The following ARHGAP10 variants were observed in gnomAD, a reference collection of about 807,000 sequenced individuals.
ARHGAP10 encodes rho GTPase-activating protein 10.
Under a neutral mutation model 108.6 loss-of-function variants are expected in ARHGAP10, and 87 were observed. The observed-to-expected ratio is 0.80, with a 90% CI of 0.67 to 0.96. The LOEUF (loss-of-function observed/expected upper bound fraction) is 0.96, where lower values mean the gene tolerates loss of function less well. Among genes scored for constraint, ARHGAP10 ranks in the 40% least tolerant of loss-of-function variants. ARHGAP10 has a pLI of 0.00. For synonymous variants in ARHGAP10, 347 were observed against 341.1 expected (o/e 1.02, Z -0.19); for missense variants, 939 against 954.5 (o/e 0.98, Z 0.21).
chr4:147,776,238 A>C (rs1335792514), intron 1 of ARHGAP10, among the ~76,000 whole-genome samples: 1 of 152,160 alleles, frequency 6.6e-6, no homozygotes, highest in East Asian at 1.9e-4. Flanking sequence ...AAAAAATTCT[A>C]AGACGGAGTC....
In ARHGAP10 at chr4:147,924,906, G is replaced by A. The variant is rs1296482675; in HGVS notation, c.1228+11767G>A. Among the ~76,000 whole-genome samples the A allele has an allele frequency of 2.0e-5, 3 of 152,214 alleles. No individual in the cohort carries two copies. In the East Asian group the frequency reaches 5.8e-4, roughly 29 times the overall value. ...TTATTTAGAGATAAATCCAGTCATT[G>A]AGGCCAATTATAATTAAGTAGTCTC... On this transcript the variant is annotated intron_variant, in intron 13 of 22. Transcript: ENST00000336498.
At chr4:147,842,744 C>A (rs943789728) in intron 3 of ARHGAP10, among the ~76,000 whole-genome samples, 2 of 152,182 alleles carry the variant, frequency 1.3e-5, no homozygotes, top group Non-Finnish European at 2.9e-5. Context: ...AGAAGCTCTG[C>A]GCAGCTTGCC....
At chr4:147,750,854 G>C (rs1386621351) in intron 1 of ARHGAP10, among the ~76,000 whole-genome samples, 2 of 151,970 alleles carry the variant, frequency 1.3e-5, no homozygotes, top group Non-Finnish European at 2.9e-5. Context: ...GCCTGCCTCA[G>C]CCTCCCAAAG....
At chr4:147,897,845 C>CT (rs1225162614) in intron 10 of ARHGAP10, among the ~76,000 whole-genome samples, 1 of 151,914 alleles carries the variant, frequency 6.6e-6, no homozygotes, top group African/African-American at 2.4e-5. Context: ...GTGGGTGTAA[C>CT]TTTTTTTGGC....
At chr4:147,782,916 TA>T (rs1236019510) in intron 1 of ARHGAP10, among the ~76,000 whole-genome samples, 10 of 142,856 alleles carry the variant, frequency 7.0e-5, no homozygotes, top group African/African-American at 7.6e-5. Context: ...ATATAATATA[TA>T]AATTATATAA....
intron 20 of ARHGAP10, among the ~76,000 whole-genome samples, chr4:148,058,813 G>T (rs1035805479): frequency 6.6e-6 from 1 of 152,196 alleles, no homozygotes; most frequent in Non-Finnish European, 1.5e-5. Flanking sequence ...ACTGCTGCAC[G>T]TGAAAGCTAC....
intron 11 of ARHGAP10, among the ~76,000 whole-genome samples, chr4:147,908,081 C>T (rs540907367): frequency 3.3e-5 from 5 of 152,210 alleles, no homozygotes; most frequent in South Asian, 2.1e-4. Context: ...TGACCTCAAA[C>T]GATCCACCCA....
At chr4:148,003,956 G>GCCTAAATCAGCAAGTGAAGA (rs1740842550) in intron 18 of ARHGAP10, among the ~76,000 whole-genome samples, 1 of 114,434 alleles carries the variant, frequency 8.7e-6, no homozygotes, top group African/African-American at 5.0e-5. Flanking sequence ...TATGCTAAGA[G>GCCTAAATCAGCAAGTGAAGA]ACGTGAGAGA....
intron 1 of ARHGAP10, among the ~76,000 whole-genome samples, chr4:147,751,685 A>G (rs1402832206): frequency 6.6e-6 from 1 of 151,316 alleles, no homozygotes; most frequent in Non-Finnish European, 1.5e-5. Context: ...CTTTTTTTGG[A>G]GCACTTGTGT....
intron 16 of ARHGAP10, among the ~76,000 whole-genome samples, chr4:147,958,864 C>T (rs1399314919): frequency 6.6e-6 from 1 of 152,184 alleles, no homozygotes; most frequent in East Asian, 1.9e-4. Flanking sequence ...TTAGTTGGCA[C>T]AGCATCATAA....
intron 7 of ARHGAP10, among the ~76,000 whole-genome samples, chr4:147,872,769 G>A (rs912045206): frequency 5.3e-5 from 8 of 152,192 alleles, no homozygotes; most frequent in Non-Finnish European, 1.0e-4. Context: ...TCATCATAAA[G>A]GCCTTCATGT....
chr4:147,882,155 G>T (rs577942269), intron 10 of ARHGAP10, among the ~76,000 whole-genome samples: 2 of 152,086 alleles, frequency 1.3e-5, no homozygotes, highest in Admixed American at 6.5e-5. Context: ...TCTAACCAGG[G>T]TTGTCACTTA....
intron 1 of ARHGAP10, among the ~76,000 whole-genome samples, chr4:147,809,823 A>G (rs1412353478): frequency 6.6e-6 from 1 of 152,182 alleles, no homozygotes; most frequent in Non-Finnish European, 1.5e-5. Flanking sequence ...AGTTCACAAT[A>G]GGGTCACGCT....
chr4:147,877,708 C>T (rs144981159), intron 8 of ARHGAP10, among the ~76,000 whole-genome samples: 1,538 of 152,070 alleles, frequency 0.01, 15 homozygotes, highest in Non-Finnish European at 0.016. Flanking sequence ...TCCTGTGAGC[C>T]CTGATGGTGG....
chr4:147,948,551 A>T (rs147849731), intron 15 of ARHGAP10, among the ~76,000 whole-genome samples: 10 of 152,268 alleles, frequency 6.6e-5, no homozygotes, highest in Non-Finnish European at 1.3e-4. Context: ...GTCATTTTTG[A>T]TTATATCTTC....
chr4:147,839,142 A>ATCTGTCTG lies in ARHGAP10; in HGVS notation c.313-8001_313-7994dup, dbSNP rs66465708. ...TATCTATCTATCTATCTATCTATCT[A>ATCTGTCTG]TCTGTCTGTCTGTCTATGTATATAT... On this transcript the variant is annotated intron_variant, in intron 3 of 22. Coordinates refer to ENST00000336498, the MANE Select transcript of ARHGAP10 (RefSeq NM_024605.4). 7.4e-3 allele frequency among the ~76,000 whole-genome samples: 875 copies of ATCTGTCTG among 117,818 alleles called. 8 individuals carry two copies. Among genetic ancestry groups the ATCTGTCTG allele is most frequent in the East Asian group, 0.019 (76 of 3,950 alleles). The allele number at this position is 117,818 out of a possible 152,430, so 77.3% of individuals were successfully genotyped here.
intron 9 of ARHGAP10, among the ~76,000 whole-genome samples, chr4:147,879,584 G>C (rs963270247): frequency 2.1e-4 from 32 of 151,274 alleles, no homozygotes; most frequent in African/African-American, 7.3e-4. Flanking sequence ...TGGGATACAT[G>C]TGCACAACGT....
intron 10 of ARHGAP10, among the ~76,000 whole-genome samples, chr4:147,896,917 T>C (rs1736015414): frequency 1.3e-5 from 2 of 152,258 alleles, no homozygotes; most frequent in South Asian, 4.2e-4. Flanking sequence ...ATATTATTGC[T>C]TTTTTTCTAC....
intron 11 of ARHGAP10, among the ~76,000 whole-genome samples, chr4:147,908,284 C>T (rs1427072543): frequency 1.3e-5 from 2 of 152,116 alleles, no homozygotes; most frequent in African/African-American, 2.4e-5. Flanking sequence ...TGGAATGTAT[C>T]GCCCCAGAGA....
Sources: gnomAD v4.1 joint callset for allele counts (sites outside exome capture counted in the v4.1 genomes callset) on GRCh38, gnomAD v4.1.1 for gene constraint, MANE v1.5 for transcripts, NCBI Gene and HGNC (gene_info 2026-07-23, HGNC 2026-07-21) for gene names.